Variants in CSMD1 observed in about 807,000 individuals in gnomAD.
CSMD1 encodes CUB and Sushi multiple domains 1, also known as CUB and sushi domain-containing protein 1.
A neutral mutation model predicts 417.5 loss-of-function variants in CSMD1; 213 were observed. That is an observed-to-expected ratio of 0.51 (90% CI 0.46 to 0.57). The LOEUF (loss-of-function observed/expected upper bound fraction) is 0.57. Among genes scored for constraint, CSMD1 ranks in the 20% least tolerant of loss-of-function variants. CSMD1 has a pLI of 0.00. For missense variants in CSMD1, 6,923 were observed against 4,529.7 expected, an observed-to-expected ratio of 1.53 and a Z score of -15.17; for synonymous variants, 2,862 against 1,736.8, an observed-to-expected ratio of 1.65 and a Z score of -16.11.
In CSMD1 at chr8:4,272,861, A is replaced by G. The variant is rs143387869; in HGVS notation, c.415+147092T>C. Reference sequence around the variant, plus strand: ...GATGAATAAGTCTCGACACACAGATAAAACGATAGATAAAATTTGTTAAGT... The same window carrying G: ...GATGAATAAGTCTCGACACACAGATGAAACGATAGATAAAATTTGTTAAGT... On this transcript the variant is annotated intron_variant, in intron 3 of 69. Coordinates refer to ENST00000635120, the MANE Select transcript of CSMD1 (RefSeq NM_033225.6). Among the ~76,000 whole-genome samples, 333 of 152,306 alleles carry G rather than the reference A, an allele frequency of 2.2e-3. 2 individuals carry two copies. The highest frequency in any genetic ancestry group is 7.7e-3 in the African/African-American group (322 of 41,574).
intron 10 of CSMD1, among the ~76,000 whole-genome samples, chr8:3,495,295 T>C (rs1796318069): frequency 6.6e-6 from 1 of 152,242 alleles, no homozygotes; most frequent in Non-Finnish European, 1.5e-5. Flanking sequence ...TGAGACCTGC[T>C]GGTTTCCTTT....
At chr8:3,760,640 G>C (rs1797941757) in intron 5 of CSMD1, among the ~76,000 whole-genome samples, 1 of 152,206 alleles carries the variant, frequency 6.6e-6, no homozygotes, top group Admixed American at 6.6e-5. Context: ...AAAATGAAGA[G>C]TCAATTTATG....
chr8:3,856,260 G>C (rs1039023408), intron 5 of CSMD1, among the ~76,000 whole-genome samples: 1 of 151,848 alleles, frequency 6.6e-6, no homozygotes, highest in Non-Finnish European at 1.5e-5. Flanking sequence ...CTTCCTACTT[G>C]GCCCATGTAA....
chr8:3,290,762 C>G (rs991906918), intron 25 of CSMD1, among the ~76,000 whole-genome samples: 1 of 146,852 alleles, frequency 6.8e-6, no homozygotes, highest in Non-Finnish European at 1.5e-5. Flanking sequence ...ACAATCATGT[C>G]ATCTGCCAAC....
At chr8:3,767,362 T>C (rs890222095) in intron 5 of CSMD1, among the ~76,000 whole-genome samples, 2 of 152,236 alleles carry the variant, frequency 1.3e-5, no homozygotes, top group Non-Finnish European at 2.9e-5. Flanking sequence ...AACCATGTCC[T>C]TTCCCATGTG....
At chr8:4,087,984 C>G (rs1286859154) in intron 3 of CSMD1, among the ~76,000 whole-genome samples, 1 of 152,100 alleles carries the variant, frequency 6.6e-6, no homozygotes, top group Non-Finnish European at 1.5e-5. Context: ...CTCACTTGAC[C>G]TCTGAAGAAC....
intron 49 of CSMD1, among the ~76,000 whole-genome samples, chr8:3,079,220 TG>T (rs1563315524): frequency 6.6e-6 from 1 of 152,188 alleles, no homozygotes; most frequent in African/African-American, 2.4e-5. Context: ...TGATGGGAGT[TG>T]GCCAGTTTGA....
At chr8:4,373,614 A>G (rs1802534772) in intron 3 of CSMD1, among the ~76,000 whole-genome samples, 1 of 152,348 alleles carries the variant, frequency 6.6e-6, no homozygotes, top group Admixed American at 6.5e-5. Flanking sequence ...GTGATTCATG[A>G]ACATAACTGA....
intron 7 of CSMD1, among the ~76,000 whole-genome samples, chr8:3,706,364 G>C (rs1023133824): frequency 1.3e-5 from 2 of 152,196 alleles, no homozygotes. Context: ...TTTCATCAGT[G>C]AAACAATTTC....
intron 2 of CSMD1, among the ~76,000 whole-genome samples, chr8:4,572,859 A>G (rs1287773357): frequency 6.6e-6 from 1 of 151,814 alleles, no homozygotes; most frequent in African/African-American, 2.4e-5. Flanking sequence ...GCTTTATTTC[A>G]TTAAGTTGAT....
intron 26 of CSMD1, among the ~76,000 whole-genome samples, chr8:3,241,532 C>A (rs892712766): frequency 1.3e-5 from 2 of 152,096 alleles, no homozygotes; most frequent in Admixed American, 1.3e-4. Context: ...GAGTCTTGGG[C>A]CAGAGTTCCA....
intron 7 of CSMD1, among the ~76,000 whole-genome samples, chr8:3,638,732 G>A (rs1249911179): frequency 1.3e-5 from 2 of 152,170 alleles, no homozygotes; most frequent in Non-Finnish European, 2.9e-5. Flanking sequence ...ACAGAATGTA[G>A]CTGTGAACTC....
chr8:2,992,305 T>G (rs569326330), intron 54 of CSMD1, among the ~76,000 whole-genome samples: 1 of 152,244 alleles, frequency 6.6e-6, no homozygotes, highest in South Asian at 2.1e-4. Context: ...TGTTTTGGGG[T>G]GATGAAACAT....
intron 3 of CSMD1, among the ~76,000 whole-genome samples, chr8:4,342,205 C>CTGTGTG (rs58235838): frequency 6.6e-6 from 1 of 150,576 alleles, no homozygotes; most frequent in African/African-American, 2.4e-5. Flanking sequence ...AGTGCTGTGT[C>CTGTGTG]TGTGTGTGTG....
chr8:3,932,204 G>A lies in CSMD1; in HGVS notation c.818+65699C>T, dbSNP rs558959911. 6.0e-4 allele frequency among the ~76,000 whole-genome samples: 90 copies of A among 150,218 alleles called. 5 individuals carry two copies. Among genetic ancestry groups the A allele is most frequent in the African/African-American group, 2.1e-3 (87 of 40,726 alleles). ...TAGACACTGTTTCATCGATACTTTG[G>A]TCCCATATCATGTTACTGAAAAGGG... On this transcript the variant is annotated intron_variant, in intron 5 of 69. Transcript: ENST00000635120.
intron 41 of CSMD1, among the ~76,000 whole-genome samples, chr8:3,140,377 T>C (rs972984679): frequency 4.6e-5 from 7 of 152,026 alleles, no homozygotes; most frequent in African/African-American, 9.7e-5. Context: ...TTCTCTCTCG[T>C]GCTTCAAGTA....
chr8:4,808,209 C>T (rs969721098), intron 1 of CSMD1, among the ~76,000 whole-genome samples: 1 of 152,158 alleles, frequency 6.6e-6, no homozygotes, highest in African/African-American at 2.4e-5. Flanking sequence ...CAGCACCAGT[C>T]GGTCAGCAGC....
At position 4,925,215 on chromosome 8, in the gene CSMD1, G is replaced by GGTTT. The variant is rs762807942; in HGVS notation, c.85+69116_85+69117insAAAC. ...AAACATGGTGAATACCAGTTTTATG[G>GGTTT]TTTTTTTTTTTTTTTTTTTTTTTTT... is the stretch of plus-strand genomic sequence containing the variant. On this transcript the variant is annotated intron_variant, in intron 1 of 69. Coordinates refer to ENST00000635120, the MANE Select transcript of CSMD1 (RefSeq NM_033225.6). Among the ~76,000 whole-genome samples the GGTTT allele has an allele frequency of 2.3e-4, 17 of 72,742 alleles. No homozygotes were observed. In the East Asian group the frequency reaches 7.5e-3, roughly 32 times the overall value. The allele number at this position is 72,742 out of a possible 152,430, so 47.7% of individuals were successfully genotyped here.
Position 3,139,874 on chromosome 8 carries a change from T to G in CSMD1, c.6241+2591A>C, listed in dbSNP as rs866883898. 9.9e-5 allele frequency among the ~76,000 whole-genome samples: 15 copies of G among 151,412 alleles called. No individual in the cohort carries two copies. In the South Asian group the frequency reaches 1.0e-3, roughly 11 times the overall value. ...CCTAGAGCATAGGATAGATTACCGT[T>G]TTTTTTCTTTCTTTTTTCTTTTCTT... is the stretch of plus-strand genomic sequence containing the variant. On this transcript the variant is annotated intron_variant, in intron 41 of 69. Coordinates refer to ENST00000635120, the MANE Select transcript of CSMD1 (RefSeq NM_033225.6).
Sources: allele counts gnomAD v4.1 joint callset (sites outside exome capture counted in the v4.1 genomes callset), GRCh38; gene constraint gnomAD v4.1.1; transcripts MANE v1.5; gene names NCBI Gene and HGNC (gene_info 2026-07-23, HGNC 2026-07-21).